Variants in GATM observed in about 807,000 individuals in gnomAD.
The protein encoded by GATM is glycine amidinotransferase.
A neutral mutation model predicts 54.2 loss-of-function variants in GATM; 23 were observed. That is an observed-to-expected ratio of 0.42 (90% CI 0.31 to 0.60). The LOEUF (loss-of-function observed/expected upper bound fraction) is 0.60, where lower values mean the gene tolerates loss of function less well. Among genes scored for constraint, GATM ranks in the 20% least tolerant of loss-of-function variants. GATM has a pLI of 0.14. For synonymous variants in GATM, 168 were observed against 183.1 expected, an observed-to-expected ratio of 0.92 and a Z score of 0.67; for missense variants, 401 against 544.9, an observed-to-expected ratio of 0.74 and a Z score of 2.63.
At chr15:45,364,960 A>C (rs1329296863) in intron 6 of GATM, 100 bp from the exon 7 acceptor site, 11 of 967,880 alleles carry the variant, frequency 1.1e-5, no homozygotes, top group Non-Finnish European at 1.8e-5. Flanking sequence ...CTCTTTGAGA[A>C]GCTGTCTTCT....
chr15:45,369,573 A>C (rs2140647142), intron 2 of GATM, 52 bp from the exon 3 acceptor site: 523 of 1,509,306 alleles, frequency 3.5e-4, no homozygotes, highest in Non-Finnish European at 4.4e-4. Context: ...AATACAGCTC[A>C]TGATAGGTTC....
rs201722718 is a variant in GATM at position 45,373,510 on chromosome 15, T to A, written c.288+3091A>T. ...ACAGCGAGATTCCATCTTAAAAAAA[T>A]ATATATCTATATATATATATATTTG... On this transcript the variant is annotated intron_variant, in intron 2 of 8. Transcript: ENST00000396659. Among the ~76,000 whole-genome samples the A allele has an allele frequency of 4.6e-5, 6 of 130,044 alleles. 1 individual carries two copies. Among genetic ancestry groups the A allele is most frequent in the African/African-American group, 1.4e-4 (5 of 36,052 alleles). 85.3% of individuals were successfully genotyped at this position (130,044 alleles called of 152,430 possible).
Position 45,369,311 on chromosome 15 carries a change from T to C in GATM, c.484+15A>G, listed in dbSNP as rs756510170. On this transcript the variant is annotated intron_variant, in intron 3 of 8. Coordinates refer to ENST00000396659, the MANE Select transcript of GATM (RefSeq NM_001482.3). ...AATTCAGACACTGGCAGTTTAGTTATCTGACATCACTTACCCGTAGACTCA... is the reference window on the plus strand; with the variant it reads ...AATTCAGACACTGGCAGTTTAGTTACCTGACATCACTTACCCGTAGACTCA... The C allele has an allele frequency of 3.7e-6, 6 of 1,609,846 alleles. No homozygotes were observed. The highest frequency in any genetic ancestry group is 2.2e-5 in the East Asian group (1 of 44,860).
chr15:45,376,680 T>C lies in GATM; in HGVS notation c.209A>G (p.Asn70Ser). Residue 70 changes from asparagine to serine, a missense_variant, in exon 2 of 9, where the codon AAC becomes AGC. By Grantham distance (46) the Asn-to-Ser change is conservative (BLOSUM62 1). This residue lies in a region of GATM where 321 missense variants were observed against 457.5 expected (regional missense o/e 0.70). Transcript: ENST00000396659. ...LPKDCPVSSY[N>S]EWDPLEEVIV... is the part of the protein sequence containing the mutation. ...CACTTCCTCTAAGGGGTCCCATTCG[T>C]TGTAAGAAGAGACAGGGCAGTCCTT... is the stretch of plus-strand genomic sequence containing the variant. The C allele has an allele frequency of 6.2e-7, 1 of 1,614,160 alleles. No homozygotes were observed. The highest frequency in any genetic ancestry group is 8.5e-7 in the Non-Finnish European group (1 of 1,180,014).
At chr15:45,374,174 T>TA (rs771670792) in intron 2 of GATM, among the ~76,000 whole-genome samples, 13 of 152,226 alleles carry the variant, frequency 8.5e-5, no homozygotes, top group Non-Finnish European at 1.5e-4. Context: ...CAAGGTCAAA[T>TA]AGCTAAGTAA....
intron 2 of GATM, among the ~76,000 whole-genome samples, 191 bp downstream of exon 2, chr15:45,376,398 GGGAAGAGCTTCA>G (rs1243481379): frequency 6.6e-6 from 1 of 151,874 alleles, no homozygotes; most frequent in Non-Finnish European, 1.5e-5. Flanking sequence ...CAGAATCCAA[GGGAAGAGCTTCA>G]GGAAGCTCTT....
In GATM at chr15:45,361,165, A is replaced by G. The variant is rs1049597282; in HGVS notation, c.*944T>C. On this transcript the variant is annotated 3_prime_UTR_variant, in exon 9 of 9. Transcript: ENST00000396659. Reference sequence around the variant, plus strand: ...AAAGTTTATTAGAATAAAAATACACATACGGTATCAACACTAAAATTATTT... The same window carrying G: ...AAAGTTTATTAGAATAAAAATACACGTACGGTATCAACACTAAAATTATTT... The G allele has an allele frequency of 1.3e-5, 2 of 152,230 alleles. No individual in the cohort carries two copies. The highest frequency in any genetic ancestry group is 6.5e-5 in the Admixed American group (1 of 15,276). 9.4% of individuals were successfully genotyped at this position (152,230 alleles called of 1,614,324 possible).
chr15:45,379,845 G>T (rs1595487165), upstream of GATM: 1 of 152,342 alleles, frequency 6.6e-6, no homozygotes, highest in African/African-American at 2.4e-5. Flanking sequence ...AACTAGGTCG[G>T]GCGCGGTGGC....
upstream of GATM, chr15:45,402,220 A>T: frequency 3.1e-6 from 2 of 652,508 alleles, no homozygotes; most frequent in Non-Finnish European, 4.8e-6. Context: ...ACTCGATTTC[A>T]CGAAAGCGGA....
chr15:45,364,380 A>T (rs1889413496), intron 7 of GATM: 1 of 299,126 alleles, frequency 3.3e-6, no homozygotes, highest in African/African-American at 2.2e-5. Context: ...AATAAAAAAA[A>T]ATAACTTGCT....
At position 45,368,617 on chromosome 15, in the gene GATM, A is replaced by G. The variant is rs1323099729; in HGVS notation, c.485-357T>C. Among the ~76,000 whole-genome samples the G allele has an allele frequency of 6.6e-6, 1 of 151,996 alleles. No individual in the cohort carries two copies. The highest frequency in any genetic ancestry group is 1.9e-4 in the East Asian group (1 of 5,192). On this transcript the variant is annotated intron_variant, in intron 3 of 8. Coordinates refer to ENST00000396659, the MANE Select transcript of GATM (RefSeq NM_001482.3). This position sits in a 1 kb window ranked among gnomAD's most constrained non-coding sequence, Gnocchi z 5.1. ...ACAGAGTGAGACTCTGTCTCAAACAAACAAACAAAAAATGTCTATATAATA... is the reference window on the plus strand; with the variant it reads ...ACAGAGTGAGACTCTGTCTCAAACAGACAAACAAAAAATGTCTATATAATA...
chr15:45,392,291 G>C (rs966250297), intron 3 of GATM, among the ~76,000 whole-genome samples: 2 of 152,160 alleles, frequency 1.3e-5, no homozygotes, highest in Non-Finnish European at 2.9e-5. Flanking sequence ...GGTACTTTCC[G>C]TATCTGGTTC....
chr15:45,393,720 G>T (rs1467089334), intron 3 of GATM, among the ~76,000 whole-genome samples: 1 of 152,152 alleles, frequency 6.6e-6, no homozygotes, highest in Non-Finnish European at 1.5e-5. Flanking sequence ...TGGAATATTT[G>T]CATTATACTT....
At chr15:45,366,261 A>G in intron 5 of GATM, 51 bp from the exon 6 acceptor site, 1 of 1,610,820 alleles carries the variant, frequency 6.2e-7, no homozygotes, top group African/African-American at 1.3e-5. Flanking sequence ...TTCTATGTCT[A>G]GAAAACTAAA....
chr15:45,394,398 G>T (rs1213551675), intron 3 of GATM, among the ~76,000 whole-genome samples: 1 of 152,194 alleles, frequency 6.6e-6, no homozygotes, highest in Non-Finnish European at 1.5e-5. Context: ...GTGCCAAAAA[G>T]GTTGGGGACT....
intron 3 of GATM, among the ~76,000 whole-genome samples, chr15:45,393,599 T>C (rs1272764695): frequency 6.6e-6 from 1 of 152,156 alleles, no homozygotes; most frequent in Admixed American, 6.5e-5. Context: ...AATTATCTCA[T>C]AACATCCTGA....
chr15:45,399,997 G>A (rs2140687177), intron 1 of GATM, among the ~76,000 whole-genome samples: 1 of 152,326 alleles, frequency 6.6e-6, no homozygotes, highest in Admixed American at 6.5e-5. Context: ...TGAGGCAGGT[G>A]GATCACTTGA....
rs1191783967 is a variant in GATM at position 45,378,367 on chromosome 15, G to T, written c.69+18C>A. On this transcript the variant is annotated intron_variant, in intron 1 of 8. Transcript: ENST00000396659. The stretch of plus-strand genomic sequence containing the variant: ...AGTGAGTCACGCGGCCGCCAGACGA[G>T]GCCGGTGGCGCACGCACCCGAGATC... The T allele has an allele frequency of 4.6e-6, 7 of 1,514,210 alleles. No individual in the cohort carries two copies. The highest frequency in any genetic ancestry group is 5.3e-6 in the Non-Finnish European group (6 of 1,136,204). 93.8% of individuals were successfully genotyped at this position (1,514,210 alleles called of 1,614,324 possible).
chr15:45,364,828 G>T lies in GATM; in HGVS notation c.1011C>A (p.Ile337=). Residue 337 remains isoleucine (I), a synonymous_variant, in exon 7 of 9, where the codon ATC becomes ATA. Transcript: ENST00000396659. Reference sequence around the variant, plus strand: ...GGATGATTGGTGTTGGAGGAGTAATGATAGTCCATCCTGCTTTCTTGAAAA... The same window carrying T: ...GGATGATTGGTGTTGGAGGAGTAATTATAGTCCATCCTGCTTTCTTGAAAA... ...IDLFKKAGWT[I]ITPPTPIIPD... is the part of the protein sequence containing the mutation. 1 of 1,613,962 alleles carries T rather than the reference G, an allele frequency of 6.2e-7. No individual in the cohort carries two copies. The highest frequency in any genetic ancestry group is 1.1e-5 in the South Asian group (1 of 91,068).
Sources: allele counts gnomAD v4.1 joint callset (sites outside exome capture counted in the v4.1 genomes callset), GRCh38; gene constraint gnomAD v4.1.1; regional missense constraint gnomAD v4.1.1; non-coding constraint Gnocchi (gnomAD v3.1); transcripts MANE v1.5; gene names NCBI Gene and HGNC (gene_info 2026-07-23, HGNC 2026-07-21).